The following ADK variants were observed in gnomAD, a reference collection of about 807,000 sequenced individuals.
The protein encoded by ADK is adenosine kinase.
Under a neutral mutation model 44.7 loss-of-function variants are expected in ADK, and 24 were observed. The ratio of observed to expected loss-of-function variants is 0.54; its 90% CI spans 0.39 to 0.76. The LOEUF is 0.76. Ranked by LOEUF, ADK falls within the 30% of genes least tolerant of loss-of-function variation. The pLI is 0.00. For synonymous variants in ADK, 128 were observed against 142.6 expected (o/e 0.90, Z 0.73); for missense variants, 321 against 425.1 (o/e 0.76, Z 2.15).
intron 7 of ADK, among the ~76,000 whole-genome samples, chr10:74,571,970 G>T (rs1224991952): frequency 2.6e-5 from 4 of 152,182 alleles, no homozygotes; most frequent in African/African-American, 7.2e-5. Context: ...TTGCCAGTCG[G>T]TGTCTTTTAA....
chr10:74,437,611 A>G (rs1904058), intron 6 of ADK, among the ~76,000 whole-genome samples: 92,439 of 152,050 alleles, frequency 0.61, 30,480 homozygotes, highest in Middle Eastern at 0.77. Flanking sequence ...ATTACAGACC[A>G]TTAGTATTTT....
At chr10:74,619,612 T>C (rs553513932) in intron 9 of ADK, among the ~76,000 whole-genome samples, 62 of 152,340 alleles carry the variant, frequency 4.1e-4, no homozygotes, top group African/African-American at 1.3e-3. Flanking sequence ...TAATAAATTC[T>C]GTGTCTGAAA....
intron 1 of ADK, among the ~76,000 whole-genome samples, chr10:74,161,499 G>A (rs1343005963): frequency 1.3e-5 from 2 of 151,740 alleles, no homozygotes; most frequent in South Asian, 2.1e-4. Flanking sequence ...ATGAGTCACC[G>A]CGCCTGGCCT....
At chr10:74,369,887 A>G (rs947529362) in intron 4 of ADK, among the ~76,000 whole-genome samples, 1 of 152,346 alleles carries the variant, frequency 6.6e-6, no homozygotes, top group South Asian at 2.1e-4. Context: ...ATATTATTCT[A>G]TAGAATCTAC....
chr10:74,545,065 A>G (rs186014380), intron 7 of ADK, among the ~76,000 whole-genome samples: 64 of 152,244 alleles, frequency 4.2e-4, no homozygotes, highest in Middle Eastern at 3.4e-3. Flanking sequence ...TTATTCTTCC[A>G]TACTTATGTC....
At chr10:74,673,764 G>C (rs773422164) in intron 10 of ADK, among the ~76,000 whole-genome samples, 5 of 152,194 alleles carry the variant, frequency 3.3e-5, no homozygotes, top group Non-Finnish European at 4.4e-5. Flanking sequence ...ACACAAACGA[G>C]TTGGAGATGG....
At chr10:74,650,831 C>A (rs1055282796) in intron 9 of ADK, among the ~76,000 whole-genome samples, 2 of 152,150 alleles carry the variant, frequency 1.3e-5, no homozygotes, top group Non-Finnish European at 1.5e-5. Flanking sequence ...TAGCAGGTGC[C>A]ATTTGCATAG....
intron 4 of ADK, among the ~76,000 whole-genome samples, chr10:74,316,568 A>G (rs1426146610): frequency 1.3e-5 from 2 of 152,194 alleles, no homozygotes; most frequent in Non-Finnish European, 2.9e-5. Flanking sequence ...CTGCCTTGTA[A>G]AGAAGATGCC....
intron 1 of ADK, among the ~76,000 whole-genome samples, chr10:74,184,133 G>A (rs1002958709): frequency 7.9e-5 from 12 of 151,772 alleles, no homozygotes; most frequent in African/African-American, 2.2e-4. Context: ...GGCAAGGCTG[G>A]TCTTGAACTC....
chr10:74,219,003 A>G (rs1591876176), intron 2 of ADK, among the ~76,000 whole-genome samples: 1 of 152,058 alleles, frequency 6.6e-6, no homozygotes, highest in African/African-American at 2.4e-5. Context: ...GACAGGTTCA[A>G]ATTCACACAT....
chr10:74,356,279 A>C (rs568004382), intron 4 of ADK, among the ~76,000 whole-genome samples: 34 of 151,812 alleles, frequency 2.2e-4, no homozygotes, highest in Admixed American at 1.3e-3. Flanking sequence ...CGGCCTCCCA[A>C]AGTGCTGGGA....
chr10:74,585,454 A>G lies in ADK; in HGVS notation c.727-3828A>G, dbSNP rs777413097. On this transcript the variant is annotated intron_variant, in intron 7 of 10. Transcript: ENST00000539909. ...CTGACTGAGAAACTGAGTAATAGTG[A>G]AAGTTATCAAAATGGAAAAAAAGCG... Among the ~76,000 whole-genome samples the G allele has an allele frequency of 1.2e-4, 18 of 152,336 alleles. No homozygotes were observed. In the East Asian group the frequency reaches 1.9e-3, roughly 16 times the overall value.
intron 9 of ADK, among the ~76,000 whole-genome samples, chr10:74,651,575 T>G (rs1391834315): frequency 6.6e-6 from 1 of 152,210 alleles, no homozygotes; most frequent in Non-Finnish European, 1.5e-5. Flanking sequence ...TTTCTTTTTT[T>G]TTATCACTGT....
rs148839667 is a variant in ADK at position 74,387,215 on chromosome 10, G to A, written c.274-6926G>A. Among the ~76,000 whole-genome samples, 562 of 152,320 alleles carry A rather than the reference G, an allele frequency of 3.7e-3. 3 individuals carry two copies. Among genetic ancestry groups the A allele is most frequent in the African/African-American group, 0.013 (542 of 41,576 alleles). ...CTTCCAAAGTGCTGGGATTACAGGC[G>A]TGAGCCACTGCGCCTGGCCTGGTAT... On this transcript the variant is annotated intron_variant, in intron 4 of 10. Transcript: ENST00000539909.
intron 6 of ADK, among the ~76,000 whole-genome samples, chr10:74,442,727 A>T (rs535220739): frequency 6.6e-6 from 1 of 152,336 alleles, no homozygotes; most frequent in African/African-American, 2.4e-5. Flanking sequence ...GTTCAGCTGC[A>T]TTATTCACAA....
chr10:74,646,502 A>G (rs1177634489), intron 9 of ADK, among the ~76,000 whole-genome samples: 1 of 152,216 alleles, frequency 6.6e-6, no homozygotes, highest in Non-Finnish European at 1.5e-5. Flanking sequence ...CTCTGTAGTT[A>G]AAGAGAGAAA....
intron 2 of ADK, among the ~76,000 whole-genome samples, chr10:74,223,904 C>A (rs989828191): frequency 6.6e-5 from 10 of 152,100 alleles, no homozygotes; most frequent in African/African-American, 2.4e-4. Context: ...GCCTGGCCAA[C>A]ATGTTAAAAC....
At chr10:74,423,550 C>T (rs918231526) in intron 6 of ADK, 7 of 226,668 alleles carry the variant, frequency 3.1e-5, no homozygotes, top group African/African-American at 9.4e-5. Flanking sequence ...TAGCTCTCGC[C>T]GTGTAAACTT....
At chr10:74,352,344 A>G (rs1841988312) in intron 4 of ADK, among the ~76,000 whole-genome samples, 1 of 152,238 alleles carries the variant, frequency 6.6e-6, no homozygotes, top group African/African-American at 2.4e-5. Context: ...CTGTTTAATA[A>G]ATGGTGTTGG....
Sources: gnomAD v4.1 joint callset for allele counts (sites outside exome capture counted in the v4.1 genomes callset) on GRCh38, gnomAD v4.1.1 for gene constraint, MANE v1.5 for transcripts, NCBI Gene and HGNC (gene_info 2026-07-23, HGNC 2026-07-21) for gene names.